Variants in NELL1 observed in about 807,000 individuals in gnomAD.
The protein encoded by NELL1 is neural EGFL like 1.
A neutral mutation model predicts 107.4 loss-of-function variants in NELL1; 76 were observed. The observed-to-expected ratio is 0.71, with a 90% CI of 0.59 to 0.86. NELL1 has a LOEUF of 0.86. NELL1 is among the 40% of genes least tolerant of loss of function. NELL1 has a pLI of 0.00. For synonymous variants in NELL1, 353 were observed against 341.2 expected (o/e 1.03, Z -0.38); for missense variants, 1,024 against 1,005.5 (o/e 1.02, Z -0.25).
At chr11:21,122,589 G>A (rs1855394736) in intron 13 of NELL1, among the ~76,000 whole-genome samples, 1 of 151,692 alleles carries the variant, frequency 6.6e-6, no homozygotes, top group Non-Finnish European at 1.5e-5. Context: ...ACTATTCTTT[G>A]GCCAAAATGA....
intron 2 of NELL1, among the ~76,000 whole-genome samples, chr11:20,752,600 A>C (rs1001755910): frequency 2.0e-5 from 3 of 152,190 alleles, no homozygotes; most frequent in African/African-American, 7.2e-5. Context: ...CATTTTGTCA[A>C]GTGTCTTTTT....
chr11:20,919,607 G>T (rs748675021), intron 7 of NELL1, among the ~76,000 whole-genome samples: 2 of 152,050 alleles, frequency 1.3e-5, no homozygotes, highest in African/African-American at 2.4e-5. Flanking sequence ...GAGTGGAAAA[G>T]GAATTTTCCT....
At chr11:21,412,492 CA>C (rs1241562535) in intron 15 of NELL1, among the ~76,000 whole-genome samples, 1 of 152,024 alleles carries the variant, frequency 6.6e-6, no homozygotes, top group Admixed American at 6.6e-5. Context: ...CTGAATTATG[CA>C]AAATCACCCA....
At position 21,461,045 on chromosome 11, in the gene NELL1, T is replaced by C. The variant is rs370316616; in HGVS notation, c.1646-73329T>C. Among the ~76,000 whole-genome samples the C allele has an allele frequency of 2.6e-5, 4 of 152,228 alleles. 1 individual carries two copies. The highest frequency in any genetic ancestry group is 9.6e-5 in the African/African-American group (4 of 41,550). On this transcript the variant is annotated intron_variant, in intron 15 of 19. Transcript: ENST00000357134. ...ATCTTCAGTAATAAATTCCCCAAAT[T>C]CTTGGATGGATTTGTGTTTTAATTA...
chr11:21,420,130 A>C (rs1852625911), intron 15 of NELL1, among the ~76,000 whole-genome samples: 1 of 152,112 alleles, frequency 6.6e-6, no homozygotes, highest in South Asian at 2.1e-4. Flanking sequence ...ATGTTGAATA[A>C]ATCAATGAAA....
intron 13 of NELL1, among the ~76,000 whole-genome samples, chr11:21,147,807 G>A (rs1446244702): frequency 2.7e-5 from 3 of 110,178 alleles, no homozygotes; most frequent in African/African-American, 3.6e-5. Flanking sequence ...TTGCACCCCA[G>A]CCTGGGCAAC....
intron 15 of NELL1, among the ~76,000 whole-genome samples, chr11:21,406,170 T>C (rs1353409774): frequency 6.6e-6 from 1 of 152,000 alleles, no homozygotes; most frequent in Admixed American, 6.6e-5. Context: ...AAAATTTCTT[T>C]ATGATTGTTT....
rs545707421 is a variant in NELL1, at chr11:20,739,752, T to C, written c.185-43928T>C. Reference sequence around the variant, plus strand: ...AGAGACAAAGTGACCTCTTCTCACTTTCTGCAGGGTTCACAAGAGGATGTG... The same window carrying C: ...AGAGACAAAGTGACCTCTTCTCACTCTCTGCAGGGTTCACAAGAGGATGTG... On this transcript the variant is annotated intron_variant, in intron 2 of 19. Coordinates refer to ENST00000357134, the MANE Select transcript of NELL1 (RefSeq NM_006157.5). Among the ~76,000 whole-genome samples the C allele has an allele frequency of 9.9e-5, 15 of 152,268 alleles. No homozygotes were observed. The South Asian group carries it at 2.9e-3, about 29-fold the overall frequency.
At chr11:21,163,990 T>TA (rs1276201070) in intron 13 of NELL1, among the ~76,000 whole-genome samples, 1 of 151,992 alleles carries the variant, frequency 6.6e-6, no homozygotes, top group African/African-American at 2.4e-5. Flanking sequence ...AAAAGGAAGA[T>TA]ACACCAGGAC....
intron 15 of NELL1, among the ~76,000 whole-genome samples, chr11:21,374,474 A>G (rs2133758067): frequency 6.6e-6 from 1 of 152,118 alleles, no homozygotes; most frequent in South Asian, 2.1e-4. Flanking sequence ...TGAGAAAGAG[A>G]GTGAAAGCAA....
At chr11:21,112,668 A>G (rs183999328) in intron 12 of NELL1, among the ~76,000 whole-genome samples, 43 of 152,166 alleles carry the variant, frequency 2.8e-4, no homozygotes, top group Admixed American at 2.6e-3. Flanking sequence ...CAGATATAAA[A>G]CATTGGGTTC....
chr11:21,472,743 C>G lies in NELL1; in HGVS notation c.1646-61631C>G, dbSNP rs573498152. ...GCTGTTGATATCTGCTGAGATGACA[C>G]AAGTGTCTAGGTAGAAACAATCAAA... is the stretch of plus-strand genomic sequence containing the variant. On this transcript the variant is annotated intron_variant, in intron 15 of 19. Transcript: ENST00000357134. 9.2e-5 allele frequency among the ~76,000 whole-genome samples: 14 copies of G among 151,988 alleles called. No homozygotes were observed. The South Asian group carries it at 2.7e-3, about 29-fold the overall frequency.
intron 15 of NELL1, among the ~76,000 whole-genome samples, chr11:21,419,583 A>G (rs1229708893): frequency 2.6e-5 from 4 of 152,112 alleles, no homozygotes; most frequent in African/African-American, 9.7e-5. Flanking sequence ...TTCTTTGAAT[A>G]TTTCTTATTA....
At chr11:21,211,027 C>T (rs943440334) in intron 13 of NELL1, among the ~76,000 whole-genome samples, 5 of 152,002 alleles carry the variant, frequency 3.3e-5, no homozygotes, top group African/African-American at 1.2e-4. Flanking sequence ...TTTAGAAGCC[C>T]AGCTATGGGC....
intron 12 of NELL1, chr11:21,001,042 G>A (rs1190973556): frequency 6.6e-6 from 1 of 152,126 alleles, no homozygotes; most frequent in African/African-American, 2.4e-5. Flanking sequence ...TTAAACTAAA[G>A]TGTGATTGAA....
intron 2 of NELL1, among the ~76,000 whole-genome samples, chr11:20,694,199 A>G (rs990780192): frequency 6.6e-6 from 1 of 151,964 alleles, no homozygotes; most frequent in African/African-American, 2.4e-5. Flanking sequence ...AATTTTTTTC[A>G]AAGTTTTCAA....
At chr11:21,098,443 G>A (rs1325881771) in intron 12 of NELL1, among the ~76,000 whole-genome samples, 1 of 152,140 alleles carries the variant, frequency 6.6e-6, no homozygotes, top group Non-Finnish European at 1.5e-5. Context: ...TAGCTCCTGG[G>A]CAGCTGAGCT....
intron 2 of NELL1, among the ~76,000 whole-genome samples, chr11:20,755,566 T>G (rs11025741): frequency 9.7e-5 from 12 of 123,110 alleles, no homozygotes; most frequent in Non-Finnish European, 1.5e-4. Flanking sequence ...GTTTTTGTTT[T>G]TTTTTTTTTG....
chr11:21,499,413 G>T (rs533717783), intron 15 of NELL1, among the ~76,000 whole-genome samples: 1 of 152,010 alleles, frequency 6.6e-6, no homozygotes, highest in Non-Finnish European at 1.5e-5. Flanking sequence ...TGGTTTATTT[G>T]CTATTCATGC....
Sources: gnomAD v4.1 joint callset for allele counts (sites outside exome capture counted in the v4.1 genomes callset) on GRCh38, gnomAD v4.1.1 for gene constraint, MANE v1.5 for transcripts, NCBI Gene and HGNC (gene_info 2026-07-23, HGNC 2026-07-21) for gene names.